HSF2BP: variants seen among roughly 807,000 people sequenced by gnomAD.
HSF2BP encodes heat shock transcription factor 2 binding protein.
HSF2BP carries 35 observed loss-of-function variants against 35.0 expected under a neutral mutation model. The observed-to-expected ratio is 1.00, with a 90% CI of 0.76 to 1.32. The LOEUF (loss-of-function observed/expected upper bound fraction) is 1.32. Ranked by LOEUF, HSF2BP falls within the 40% of genes most tolerant of loss-of-function variation. The pLI, the probability that HSF2BP is intolerant of heterozygous loss-of-function variation, is 0.00. For synonymous variants in HSF2BP, 114 were observed against 117.4 expected, an observed-to-expected ratio of 0.97 and a Z score of 0.18; for missense variants, 326 against 321.7, an observed-to-expected ratio of 1.01 and a Z score of -0.10.
chr21:43,573,820 T>C (rs930877252), intron 8 of HSF2BP, among the ~76,000 whole-genome samples: 2 of 152,154 alleles, frequency 1.3e-5, no homozygotes, highest in Admixed American at 6.5e-5. Flanking sequence ...CCTGGGCATC[T>C]CGGGGCTCAT....
intron 8 of HSF2BP, among the ~76,000 whole-genome samples, chr21:43,572,554 T>TA (rs1214122019): frequency 2.0e-5 from 3 of 152,188 alleles, no homozygotes; most frequent in African/African-American, 7.2e-5. Flanking sequence ...GAAGGCCCAC[T>TA]ACAAAGCCAG....
intron 7 of HSF2BP, among the ~76,000 whole-genome samples, chr21:43,601,134 T>C (rs1032558627): frequency 6.6e-6 from 1 of 152,174 alleles, no homozygotes; most frequent in African/African-American, 2.4e-5. Context: ...TGGTATCCTA[T>C]GGAAAACGTT....
intron 7 of HSF2BP, among the ~76,000 whole-genome samples, chr21:43,593,795 A>C (rs1466383541): frequency 6.6e-6 from 1 of 152,188 alleles, no homozygotes; most frequent in African/African-American, 2.4e-5. Context: ...TTAAAGAAAG[A>C]TAAAAGTACA....
chr21:43,633,243 T>C (rs748843926), intron 5 of HSF2BP, 29 bp downstream of exon 5: 3 of 1,599,774 alleles, frequency 1.9e-6, no homozygotes, highest in South Asian at 1.1e-5. Context: ...TAATCAACAA[T>C]ATCTGGAGAG....
At chr21:43,640,758 A>C (rs1008987969) in intron 4 of HSF2BP, among the ~76,000 whole-genome samples, 1 of 152,186 alleles carries the variant, frequency 6.6e-6, no homozygotes, top group Admixed American at 6.5e-5. Flanking sequence ...AACACAAAAA[A>C]ATTTTTTTGT....
intron 8 of HSF2BP, among the ~76,000 whole-genome samples, chr21:43,581,195 G>T (rs909785815): frequency 2.0e-5 from 3 of 152,138 alleles, no homozygotes; most frequent in Non-Finnish European, 2.9e-5. Context: ...GACCATCCTG[G>T]CTAACACGGT....
chr21:43,632,423 ACACACACACAGT>A (rs1388885571), intron 5 of HSF2BP, among the ~76,000 whole-genome samples: 2 of 132,598 alleles, frequency 1.5e-5, no homozygotes, highest in African/African-American at 6.0e-5. Flanking sequence ...ATGCTCCCAC[ACACACACACAGT>A]CACACACACA....
Position 43,659,281 on chromosome 21 carries a change from C to G in HSF2BP, c.-225+105G>C, listed in dbSNP as rs2082930944. 6.5e-6 allele frequency: 1 copy of G among 153,114 alleles called. No homozygotes were observed. Among genetic ancestry groups the G allele is most frequent in the Non-Finnish European group, 1.5e-5 (1 of 68,760 alleles). The allele number at this position is 153,114 out of a possible 1,614,324, so 9.5% of individuals were successfully genotyped here. A position where few individuals can be genotyped will look rare whatever the true frequency, so the allele number is the denominator to read the frequency against. On this transcript the variant is annotated intron_variant, in intron 1 of 8. Transcript: ENST00000291560. This position sits in a 1 kb window ranked among gnomAD's most constrained non-coding sequence, Gnocchi z 4.2. The stretch of plus-strand genomic sequence containing the variant: ...CCAAGATCGCGCCACTGCATTCCAG[C>G]CTGGGCGACAGAGGGAGACCCTGTC...
At chr21:43,645,991 T>C (rs190098202) in intron 3 of HSF2BP, among the ~76,000 whole-genome samples, 206 of 151,972 alleles carry the variant, frequency 1.4e-3, no homozygotes, top group African/African-American at 3.7e-3. Context: ...CTAAACATCA[T>C]AAAATTGGCT....
chr21:43,612,099 A>T (rs2082212113), intron 7 of HSF2BP, among the ~76,000 whole-genome samples: 1 of 152,162 alleles, frequency 6.6e-6, no homozygotes, highest in Non-Finnish European at 1.5e-5. Context: ...GACACACTGA[A>T]ACCAAACAGA....
chr21:43,627,228 C>T (rs750576278), intron 6 of HSF2BP, among the ~76,000 whole-genome samples: 29 of 152,076 alleles, frequency 1.9e-4, no homozygotes, highest in Non-Finnish European at 3.1e-4. Context: ...AGTTCTGAGA[C>T]GGAATTTTAT....
chr21:43,620,745 C>G (rs920531998), intron 6 of HSF2BP, among the ~76,000 whole-genome samples: 2 of 151,826 alleles, frequency 1.3e-5, no homozygotes, highest in Non-Finnish European at 2.9e-5. Flanking sequence ...TCATCACCAT[C>G]ATCATCACCA....
intron 8 of HSF2BP, among the ~76,000 whole-genome samples, chr21:43,588,344 C>A (rs2146763787): frequency 6.6e-6 from 1 of 152,274 alleles, no homozygotes; most frequent in South Asian, 2.1e-4. Context: ...CATCACTGCA[C>A]TCCAGCCTGG....
intron 7 of HSF2BP, among the ~76,000 whole-genome samples, chr21:43,600,852 A>G (rs76940031): frequency 0.025 from 3,773 of 152,272 alleles, 48 homozygotes; most frequent in Middle Eastern, 0.065. Context: ...TCTGATATTT[A>G]AACTAGCCAC....
intron 8 of HSF2BP, among the ~76,000 whole-genome samples, chr21:43,588,931 G>A (rs2081892005): frequency 6.6e-6 from 1 of 152,150 alleles, no homozygotes; most frequent in Admixed American, 6.5e-5. Flanking sequence ...AACTGTGGAG[G>A]GTCTAGGGCT....
chr21:43,652,308 C>A (rs750516095), intron 3 of HSF2BP, among the ~76,000 whole-genome samples: 1 of 148,854 alleles, frequency 6.7e-6, no homozygotes, highest in Non-Finnish European at 1.5e-5. Flanking sequence ...GAGGCTGAGG[C>A]AGGAGAATAG....
In HSF2BP at chr21:43,613,905, G is replaced by A. The variant is rs1277986299; in HGVS notation, c.617C>T (p.Ser206Leu). The change falls in exon 7 of 9, where the codon TCA (serine) becomes TTA (leucine). Residue 206 changes from serine (S) to leucine (L), a missense_variant. Ser to Leu is a moderately radical substitution (Grantham distance 145). Coordinates refer to ENST00000291560, the MANE Select transcript of HSF2BP (RefSeq NM_007031.2). Reference sequence around the variant, plus strand: ...TATGGTGTCCAAGAGCACCCGGCTTGAATTAACCAAGAATTCACGACCACA... The same window carrying A: ...TATGGTGTCCAAGAGCACCCGGCTTAAATTAACCAAGAATTCACGACCACA... ...IACGREFLVNSSRVLLDTILQ... is the reference protein window; with the variant it reads ...IACGREFLVNLSRVLLDTILQ... 1.2e-6 allele frequency: 2 copies of A among 1,610,170 alleles called. No homozygotes were observed. The highest frequency in any genetic ancestry group is 2.2e-5 in the East Asian group (1 of 44,880).
intron 7 of HSF2BP, among the ~76,000 whole-genome samples, chr21:43,608,323 T>C (rs1033831122): frequency 6.6e-6 from 1 of 151,924 alleles, no homozygotes; most frequent in African/African-American, 2.4e-5. Flanking sequence ...AGAAAACATA[T>C]AAGCAGCCAA....
chr21:43,603,683 T>C (rs1308014911), intron 7 of HSF2BP, among the ~76,000 whole-genome samples: 1 of 152,146 alleles, frequency 6.6e-6, no homozygotes, highest in Non-Finnish European at 1.5e-5. Flanking sequence ...CCAACCACCT[T>C]GAGGGGCCTC....
Sources: gnomAD v4.1 joint callset for allele counts (sites outside exome capture counted in the v4.1 genomes callset) on GRCh38, gnomAD v4.1.1 for gene constraint, Gnocchi (gnomAD v3.1) non-coding constraint, MANE v1.5 for transcripts, NCBI Gene and HGNC (gene_info 2026-07-23, HGNC 2026-07-21) for gene names.